RAD54L2: variants seen among roughly 807,000 people sequenced by gnomAD.
RAD54L2 encodes the protein helicase ARIP4.
A neutral mutation model predicts 138.4 loss-of-function variants in RAD54L2; 27 were observed. That is an observed-to-expected ratio of 0.20 (90% CI 0.14 to 0.27). The LOEUF is 0.27. Ranked by LOEUF, RAD54L2 falls within the 10% of genes least tolerant of loss-of-function variation. The pLI is 1.00. For synonymous variants in RAD54L2, 644 were observed against 723.2 expected, an observed-to-expected ratio of 0.89 and a Z score of 1.76; for missense variants, 1,396 against 1,890.2, an observed-to-expected ratio of 0.74 and a Z score of 4.85.
intron 4 of RAD54L2, 63 bp downstream of exon 4, chr3:51,627,817 C>T (rs1406378024): frequency 1.9e-6 from 3 of 1,549,182 alleles, no homozygotes; most frequent in Non-Finnish European, 2.7e-6. Context: ...CATCTTAAGG[C>T]TGTCAATAGC....
At chr3:51,661,221 C>T (rs994898242) in intron 22 of RAD54L2, among the ~76,000 whole-genome samples, 7 of 152,186 alleles carry the variant, frequency 4.6e-5, no homozygotes, top group Non-Finnish European at 1.0e-4. Flanking sequence ...CTCGGTCTTC[C>T]AAAGTGCTGG....
Position 51,665,497 on chromosome 3 carries a change from G to A in RAD54L2, c.*2077G>A, listed in dbSNP as rs1054788168. The A allele has an allele frequency of 1.3e-5, 2 of 152,166 alleles. No homozygotes were observed. Among genetic ancestry groups the A allele is most frequent in the Non-Finnish European group, 2.9e-5 (2 of 68,032 alleles). 9.4% of individuals were successfully genotyped at this position (152,166 alleles called of 1,614,324 possible). A position where few individuals can be genotyped will look rare whatever the true frequency, so the allele number is the denominator to read the frequency against. On this transcript the variant is annotated 3_prime_UTR_variant, in exon 23 of 23. Transcript: ENST00000684192. ...CCAAAAGTGGAACTTAAGAAGCTTTGTGTTTTCATAAGCACCCTGCCAGAC... is the reference window on the plus strand; with the variant it reads ...CCAAAAGTGGAACTTAAGAAGCTTTATGTTTTCATAAGCACCCTGCCAGAC...
chr3:51,557,331 C>T (rs1439268792), intron 2 of RAD54L2, among the ~76,000 whole-genome samples: 4 of 151,704 alleles, frequency 2.6e-5, no homozygotes, highest in Non-Finnish European at 5.9e-5. Context: ...TACAAGTGCA[C>T]ACTGCCATGC....
At chr3:51,609,929 G>A (rs1700291068) in intron 3 of RAD54L2, among the ~76,000 whole-genome samples, 1 of 151,608 alleles carries the variant, frequency 6.6e-6, no homozygotes, top group Non-Finnish European at 1.5e-5. Flanking sequence ...GGAAAGATTT[G>A]TATACTATTC....
intron 3 of RAD54L2, among the ~76,000 whole-genome samples, chr3:51,599,451 A>T (rs1274747135): frequency 2.0e-5 from 3 of 152,126 alleles, no homozygotes; most frequent in African/African-American, 7.2e-5. Context: ...GTGACACATG[A>T]TCATTATCTT....
chr3:51,539,572 G>A (rs1335708138), intron 1 of RAD54L2, among the ~76,000 whole-genome samples: 3 of 152,170 alleles, frequency 2.0e-5, no homozygotes, highest in Non-Finnish European at 2.9e-5. Flanking sequence ...GTGGCACACG[G>A]TGAGTAGTGC....
chr3:51,600,458 T>A (rs1700056675), intron 3 of RAD54L2, among the ~76,000 whole-genome samples: 1 of 151,914 alleles, frequency 6.6e-6, no homozygotes, highest in Non-Finnish European at 1.5e-5. Context: ...CTACAAAAAA[T>A]TTAAAAATTA....
intron 2 of RAD54L2, among the ~76,000 whole-genome samples, chr3:51,565,776 A>C (rs1699201247): frequency 6.6e-6 from 1 of 150,480 alleles, no homozygotes; most frequent in South Asian, 2.1e-4. Flanking sequence ...TTCAGACTAA[A>C]ATAGATTTTT....
In RAD54L2 at chr3:51,663,529, G is replaced by A. The variant is rs1208661559; in HGVS notation, c.*109G>A. 1.6e-6 allele frequency: 2 copies of A among 1,221,570 alleles called. No individual in the cohort carries two copies. Among genetic ancestry groups the A allele is most frequent in the East Asian group, 2.9e-5 (1 of 33,906 alleles). The allele number at this position is 1,221,570 out of a possible 1,614,324, so 75.7% of individuals were successfully genotyped here. The stretch of plus-strand genomic sequence containing the variant: ...ATAGGACACTTGGCAGGAGGGAAAA[G>A]GAAGAGGACAAAGGAGGGTGGTTGG... On this transcript the variant is annotated 3_prime_UTR_variant, in exon 23 of 23. Coordinates refer to ENST00000684192, the MANE Select transcript of RAD54L2 (RefSeq NM_015106.4).
chr3:51,571,741 C>G (rs780228162), intron 2 of RAD54L2, among the ~76,000 whole-genome samples: 19 of 152,090 alleles, frequency 1.2e-4, no homozygotes, highest in Non-Finnish European at 2.2e-4. Flanking sequence ...CATGCACACG[C>G]ACATGGCATT....
At chr3:51,553,903 G>A (rs949573818) in intron 2 of RAD54L2, among the ~76,000 whole-genome samples, 7 of 152,110 alleles carry the variant, frequency 4.6e-5, no homozygotes, top group African/African-American at 7.2e-5. Flanking sequence ...GTCTAAAAAA[G>A]CAATGTATAT....
chr3:51,633,884 G>A lies in RAD54L2; in HGVS notation c.1009-18G>A. 1 of 1,607,824 alleles carries A rather than the reference G, an allele frequency of 6.2e-7. No individual in the cohort carries two copies. The highest frequency in any genetic ancestry group is 8.5e-7 in the Non-Finnish European group (1 of 1,177,460). On this transcript the variant is annotated intron_variant, in intron 8 of 22. Coordinates refer to ENST00000684192, the MANE Select transcript of RAD54L2 (RefSeq NM_015106.4). Reference sequence around the variant, plus strand: ...TTTGTTCCATAAAACTCTCTTTTTGGACTTGGCTTTCTAATAGGTTAATAC... The same window carrying A: ...TTTGTTCCATAAAACTCTCTTTTTGAACTTGGCTTTCTAATAGGTTAATAC...
chr3:51,616,497 G>A (rs1032349238), intron 3 of RAD54L2, among the ~76,000 whole-genome samples: 1 of 152,014 alleles, frequency 6.6e-6, no homozygotes, highest in African/African-American at 2.4e-5. Flanking sequence ...CATGACTGTT[G>A]GTTGTATACA....
At chr3:51,585,580 A>T (rs924464090) in intron 2 of RAD54L2, among the ~76,000 whole-genome samples, 2 of 151,926 alleles carry the variant, frequency 1.3e-5, no homozygotes, top group African/African-American at 4.8e-5. Flanking sequence ...GCCAGGTACC[A>T]CTCTATTGAC....
chr3:51,601,823 A>G (rs1195812585), intron 3 of RAD54L2, among the ~76,000 whole-genome samples: 1 of 151,400 alleles, frequency 6.6e-6, no homozygotes, highest in East Asian at 1.9e-4. Context: ...TATGTATCCC[A>G]ATTTGTTTAT....
At chr3:51,560,277 T>C (rs996802476) in intron 2 of RAD54L2, among the ~76,000 whole-genome samples, 2 of 152,192 alleles carry the variant, frequency 1.3e-5, no homozygotes, top group Admixed American at 1.3e-4. Context: ...AAACCTCATG[T>C]GTCTTTTACT....
intron 3 of RAD54L2, among the ~76,000 whole-genome samples, chr3:51,591,016 T>C (rs1289879086): frequency 1.3e-5 from 2 of 152,202 alleles, no homozygotes; most frequent in Non-Finnish European, 2.9e-5. Flanking sequence ...CAGAGATTCT[T>C]AGACAGATTC....
intron 7 of RAD54L2, among the ~76,000 whole-genome samples, chr3:51,632,322 C>T (rs1191116678): frequency 6.6e-6 from 1 of 152,134 alleles, no homozygotes; most frequent in Non-Finnish European, 1.5e-5. Context: ...GAGACGAAGT[C>T]TCACTCTGTA....
intron 3 of RAD54L2, among the ~76,000 whole-genome samples, chr3:51,625,992 G>GA (rs1159448698): frequency 6.6e-6 from 1 of 151,626 alleles, no homozygotes; most frequent in Non-Finnish European, 1.5e-5. Context: ...TCCTGTAACA[G>GA]AAAAAAGGAT....
Sources: allele counts gnomAD v4.1 joint callset (sites outside exome capture counted in the v4.1 genomes callset), GRCh38; gene constraint gnomAD v4.1.1; transcripts MANE v1.5; gene names NCBI Gene and HGNC (gene_info 2026-07-23, HGNC 2026-07-21).